Variants in CAPN8 observed in about 807,000 individuals in gnomAD.
The protein encoded by CAPN8 is calpain 8, also known as calpain-8.
CAPN8 carries 87 observed loss-of-function variants against 80.9 expected under a neutral mutation model. The observed-to-expected ratio is 1.07, with a 90% CI of 0.90 to 1.28. The LOEUF (loss-of-function observed/expected upper bound fraction) is 1.28. Ranked by LOEUF, CAPN8 falls within the 50% of genes most tolerant of loss-of-function variation. CAPN8 has a pLI of 0.00. For synonymous variants in CAPN8, 299 were observed against 273.8 expected (o/e 1.09, Z -0.91); for missense variants, 757 against 702.0 (o/e 1.08, Z -0.89).
At chr1:223,612,388 A>C (rs2102698312) in intron 10 of CAPN8, 131 bp from the exon 11 acceptor site, 1 of 727,694 alleles carries the variant, frequency 1.4e-6, no homozygotes, top group African/African-American at 1.8e-5. Context: ...TTTGTGCTAA[A>C]GTGAGAAGCC....
chr1:223,549,136 A>G (rs77587903), intron 16 of CAPN8, among the ~76,000 whole-genome samples, 182 bp downstream of exon 16: 1 of 152,090 alleles, frequency 6.6e-6, no homozygotes, highest in East Asian at 1.9e-4. Flanking sequence ...TCTGAGACAC[A>G]TCCATGATAT....
At position 223,663,205 on chromosome 1, in the gene CAPN8, G is replaced by A. The variant is rs115296571; in HGVS notation, c.237+2205C>T. Among the ~76,000 whole-genome samples, 430 of 152,316 alleles carry A rather than the reference G, an allele frequency of 2.8e-3. 2 individuals carry two copies. The highest frequency in any genetic ancestry group is 1.0e-2 in the African/African-American group (415 of 41,572). On this transcript the variant is annotated intron_variant, in intron 1 of 20. Transcript: ENST00000366872. Reference sequence around the variant, plus strand: ...GCATTTCCACAGACCACGAGGACAGGTGAAGACATAGTTTGGGGAAGAACA... The same window carrying A: ...GCATTTCCACAGACCACGAGGACAGATGAAGACATAGTTTGGGGAAGAACA...
rs753435167 is a variant in CAPN8, at chr1:223,638,845, C to T, written c.308-10065G>A. On this transcript the variant is annotated intron_variant, in intron 2 of 20. Transcript: ENST00000366872. ...TGCGCTGAGTCAGATTTAAAGCACT[C>T]GTTCTCTGCACCTTCTTTGAACCTA... Among the ~76,000 whole-genome samples, 8 of 152,242 alleles carry T rather than the reference C, an allele frequency of 5.3e-5. No individual in the cohort carries two copies. In the East Asian group the frequency reaches 7.7e-4, roughly 15 times the overall value.
At chr1:223,615,313 A>G (rs183696428) in intron 10 of CAPN8, among the ~76,000 whole-genome samples, 7 of 152,226 alleles carry the variant, frequency 4.6e-5, no homozygotes, top group Non-Finnish European at 1.0e-4. Context: ...GTGGATTCCA[A>G]TTTGCTTCTG....
chr1:223,550,064 C>A (rs1656742344), intron 15 of CAPN8, among the ~76,000 whole-genome samples: 1 of 152,190 alleles, frequency 6.6e-6, no homozygotes, highest in Non-Finnish European at 1.5e-5. Context: ...TCCTTCCTTA[C>A]TAAATTGCAG....
chr1:223,663,346 T>C (rs536943998), intron 1 of CAPN8, among the ~76,000 whole-genome samples: 3 of 152,224 alleles, frequency 2.0e-5, no homozygotes, highest in South Asian at 2.1e-4. Context: ...TCCCCCTCCT[T>C]CCTCTCCCCC....
At position 223,628,693 on chromosome 1, in the gene CAPN8, T is replaced by G. The variant is rs1455745179; in HGVS notation, c.395A>C (p.Gln132Pro). ...GTGAAAGATTCCCGCATAGTTCTCC[T>G]GGAAGTCCTGGTCCCTGGGGACCAC... ...YRVVPRDQDF[Q>P]ENYAGIFHFQ... The change falls in exon 3 of 21, where the codon CAG becomes CCG. Residue 132 changes from glutamine to proline, a missense_variant. Transcript: ENST00000366872. 6.4e-7 allele frequency: 1 copy of G among 1,551,732 alleles called. No homozygotes were observed. The highest frequency in any genetic ancestry group is 8.7e-7 in the Non-Finnish European group (1 of 1,146,962).
At position 223,553,173 on chromosome 1, in the gene CAPN8, T is replaced by G. The variant is rs1171697009; in HGVS notation, c.1641+659A>C. On this transcript the variant is annotated intron_variant, in intron 14 of 20. Coordinates refer to ENST00000366872, the MANE Select transcript of CAPN8 (RefSeq NM_001143962.2). ...AAGAGTAACACATTCGCTGTATTTA[T>G]GGGGCCGGTTTTGACATTTCAAGTC... is the stretch of plus-strand genomic sequence containing the variant. Among the ~76,000 whole-genome samples the G allele has an allele frequency of 2.0e-5, 3 of 152,186 alleles. No homozygotes were observed. In the East Asian group the frequency reaches 5.8e-4, roughly 29 times the overall value.
chr1:223,610,514 G>A (rs1295571600), intron 11 of CAPN8, among the ~76,000 whole-genome samples: 6 of 152,220 alleles, frequency 3.9e-5, no homozygotes, highest in Non-Finnish European at 8.8e-5. Context: ...ATACCTGATG[G>A]TAGCAAAGGG....
intron 17 of CAPN8, 157 bp from the exon 18 acceptor site, chr1:223,545,007 G>T (rs1034725888): frequency 1.0e-5 from 15 of 1,448,322 alleles, no homozygotes; most frequent in Non-Finnish European, 1.3e-5. Flanking sequence ...AAGCATAAGA[G>T]CTTGGCCAGT....
intron 2 of CAPN8, chr1:223,644,010 G>A: frequency 5.2e-6 from 1 of 193,646 alleles, no homozygotes. Flanking sequence ...AATAACATAA[G>A]GGTAATCAAA....
Position 223,609,371 on chromosome 1 carries a change from G to A in CAPN8, c.1324-7C>T, listed in dbSNP as rs972283973. ...CGTCCGTGTGACTCTCCAGCTGCAC[G>A]AAACAATAAGCAGAGTCAATTTCTT... On this transcript the variant is annotated splice_polypyrimidine_tract_variant and splice_region_variant and intron_variant, in intron 11 of 20. Transcript: ENST00000366872. 3.3e-3 allele frequency: 1,297 copies of A among 398,550 alleles called. 15 individuals are homozygous for A. Among genetic ancestry groups the A allele is most frequent in the African/African-American group, 0.024 (1,171 of 48,716 alleles). The allele number at this position is 398,550 out of a possible 1,614,324, so 24.7% of individuals were successfully genotyped here. A position where few individuals can be genotyped will look rare whatever the true frequency, so the allele number is the denominator to read the frequency against.
intron 2 of CAPN8, among the ~76,000 whole-genome samples, chr1:223,648,082 G>A (rs186190083): frequency 6.6e-6 from 1 of 152,310 alleles, no homozygotes; most frequent in African/African-American, 2.4e-5. Flanking sequence ...GTAATCCACG[G>A]CCTCAAACTC....
intron 13 of CAPN8, among the ~76,000 whole-genome samples, chr1:223,554,358 A>G (rs36172313): frequency 0.91 from 137,727 of 152,162 alleles, 62,705 homozygotes; most frequent in Middle Eastern, 0.96. Flanking sequence ...AGTGGCTCAC[A>G]CCTGAAATCC....
chr1:223,626,838 C>T (rs894298705), intron 5 of CAPN8, 151 bp downstream of exon 5: 2 of 740,198 alleles, frequency 2.7e-6, no homozygotes, highest in Non-Finnish European at 2.1e-6. Flanking sequence ...TATGTTCAGG[C>T]CTTTGTGTCA....
chr1:223,549,615 T>C (rs1280663706), intron 15 of CAPN8: 2 of 673,754 alleles, frequency 3.0e-6, no homozygotes, highest in African/African-American at 1.8e-5. Flanking sequence ...CATCTGAACC[T>C]TGGCTTGGCT....
intron 10 of CAPN8, 46 bp from the exon 11 acceptor site, chr1:223,612,303 C>CCTCCTTCTG: frequency 8.1e-7 from 1 of 1,233,536 alleles, no homozygotes; most frequent in African/African-American, 1.5e-5. Flanking sequence ...GCTCCAAGGT[C>CCTCCTTCTG]CTCCTTCTGC....
intron 1 of CAPN8, among the ~76,000 whole-genome samples, chr1:223,662,677 T>A (rs1658678779): frequency 6.6e-6 from 1 of 152,162 alleles, no homozygotes; most frequent in Admixed American, 6.5e-5. Context: ...GTTATGTGTA[T>A]CATACCACAA....
intron 2 of CAPN8, among the ~76,000 whole-genome samples, chr1:223,651,756 C>T (rs991193437): frequency 1.3e-5 from 2 of 152,252 alleles, no homozygotes; most frequent in Non-Finnish European, 2.9e-5. Context: ...GAATGGTTCA[C>T]AGAGAACGAA....
Sources: gnomAD v4.1 joint callset for allele counts (sites outside exome capture counted in the v4.1 genomes callset) on GRCh38, gnomAD v4.1.1 for gene constraint, MANE v1.5 for transcripts, NCBI Gene and HGNC (gene_info 2026-07-23, HGNC 2026-07-21) for gene names.